Variants in CELF2 observed in about 807,000 individuals in gnomAD.
The protein encoded by CELF2 is CUGBP Elav-like family member 2, also known as CUG triplet repeat RNA-binding protein 2.
In CELF2, 8 loss-of-function variants were observed where a neutral mutation model predicts 62.6. The ratio of observed to expected loss-of-function variants is 0.13; its 90% CI spans 0.07 to 0.23. CELF2 has a LOEUF of 0.23. CELF2 is among the 10% of genes least tolerant of loss of function. The pLI, the probability that CELF2 is intolerant of heterozygous loss-of-function variation, is 1.00. For missense variants in CELF2, 333 were observed against 671.0 expected, an observed-to-expected ratio of 0.50 and a Z score of 5.56; for synonymous variants, 258 against 250.0, an observed-to-expected ratio of 1.03 and a Z score of -0.30.
Position 11,302,550 on chromosome 10 carries a change from C to G in CELF2, c.977-11589C>G, listed in dbSNP as rs1026618952. On this transcript the variant is annotated intron_variant, in intron 9 of 12. Transcript: ENST00000633077. The surrounding 1 kb of genome is among the most constrained non-coding windows in gnomAD (Gnocchi z 5.0). ...CCAGACAAGAACTCTGACCAAATGG[C>G]CTGCAGAGCATCCGCAGCCCAGGGC... 6.6e-6 allele frequency among the ~76,000 whole-genome samples: 1 copy of G among 152,166 alleles called. No homozygotes were observed. The highest frequency in any genetic ancestry group is 1.5e-5 in the Non-Finnish European group (1 of 68,018).
chr10:11,176,017 C>T (rs972469417), intron 2 of CELF2, among the ~76,000 whole-genome samples: 5 of 152,158 alleles, frequency 3.3e-5, no homozygotes, highest in East Asian at 1.9e-4. Flanking sequence ...TTCTTGTGCG[C>T]GTGTGTTTTC....
upstream of CELF2, among the ~76,000 whole-genome samples, chr10:11,003,370 G>A (rs1465595819): frequency 6.6e-6 from 1 of 152,180 alleles, no homozygotes; most frequent in Non-Finnish European, 1.5e-5. The surrounding 1 kb of genome is among the most constrained non-coding windows in gnomAD (Gnocchi z 4.4). Flanking sequence ...TTGTACGTTA[G>A]TGCTTGCTTC....
the CELF2 span, among the ~76,000 whole-genome samples, chr10:10,468,916 C>T: frequency 6.6e-6 from 1 of 151,860 alleles, no homozygotes; most frequent in Non-Finnish European, 1.5e-5. Context: ...CTAGTAGGGG[C>T]TCTTTTCAAA....
At chr10:10,610,227 T>C in the CELF2 span, among the ~76,000 whole-genome samples, 8 of 152,306 alleles carry the variant, frequency 5.3e-5, no homozygotes, top group East Asian at 1.9e-4. Context: ...ACCAGCTTGA[T>C]TGAATGTGCT....
the CELF2 span, among the ~76,000 whole-genome samples, chr10:10,507,700 G>A: frequency 6.6e-6 from 1 of 152,026 alleles, no homozygotes; most frequent in East Asian, 1.9e-4. Context: ...GATGGAGGGT[G>A]TGCTATATGG....
chr10:10,925,457 G>A (rs2065374424), intron 2 of CELF2, among the ~76,000 whole-genome samples: 1 of 151,980 alleles, frequency 6.6e-6, no homozygotes. Context: ...CTGTACCTTG[G>A]TTGTGGGAGA....
intron 1 of CELF2, among the ~76,000 whole-genome samples, chr10:10,837,801 G>A (rs112252076): frequency 1.3e-5 from 2 of 152,058 alleles, no homozygotes; most frequent in African/African-American, 4.8e-5. Context: ...GCCATGTTTT[G>A]TTTTGCTTTT....
rs187371585 is a variant in CELF2, at chr10:10,869,085, A to G, written c.54-50879A>G. Among the ~76,000 whole-genome samples, 1,437 of 152,250 alleles carry G rather than the reference A, an allele frequency of 9.4e-3. 15 individuals are homozygous for G. Among genetic ancestry groups the G allele is most frequent in the South Asian group, 0.036 (175 of 4,818 alleles). ...TCTAGAAAGCAAAAACTTTTTTTCC[A>G]TGTCTTACTTTTTTTAATAGTAACA... On this transcript the variant is annotated intron_variant, in intron 1 of 13. Transcript: ENST00000636488.
At chr10:10,472,090 G>T in the CELF2 span, among the ~76,000 whole-genome samples, 1 of 151,662 alleles carries the variant, frequency 6.6e-6, no homozygotes, top group Non-Finnish European at 1.5e-5. Context: ...CTTTGTTTTA[G>T]TTCTGTTTGA....
At chr10:10,577,987 GTGT>G in the CELF2 span, among the ~76,000 whole-genome samples, 1 of 152,188 alleles carries the variant, frequency 6.6e-6, no homozygotes, top group Non-Finnish European at 1.5e-5. Flanking sequence ...CAGTGTAAAA[GTGT>G]TCCTGTTTCT....
intron 2 of CELF2, among the ~76,000 whole-genome samples, chr10:11,175,767 C>T (rs1267060777): frequency 2.6e-5 from 4 of 152,122 alleles, no homozygotes; most frequent in African/African-American, 4.8e-5. Flanking sequence ...AATGTGGTGC[C>T]GGCAGCTGAC....
chr10:11,174,486 A>G (rs931941337), intron 2 of CELF2, among the ~76,000 whole-genome samples: 1 of 152,218 alleles, frequency 6.6e-6, no homozygotes, highest in African/African-American at 2.4e-5. Flanking sequence ...ATTAATTCAC[A>G]TTGGAGAAAC....
At chr10:11,026,613 T>C (rs185625122) in intron 1 of CELF2, among the ~76,000 whole-genome samples, 50 of 152,346 alleles carry the variant, frequency 3.3e-4, no homozygotes, top group Admixed American at 1.5e-3. Context: ...TTCAGTGTGG[T>C]CATAACCAGT....
chr10:10,512,173 G>A, the CELF2 span, among the ~76,000 whole-genome samples: 1 of 152,134 alleles, frequency 6.6e-6, no homozygotes, highest in Non-Finnish European at 1.5e-5. Context: ...AGAGCTTGAT[G>A]TGGATGAAAT....
intron 2 of CELF2, among the ~76,000 whole-genome samples, chr10:11,167,346 G>A (rs2067517961): frequency 6.6e-6 from 1 of 152,224 alleles, no homozygotes; most frequent in African/African-American, 2.4e-5. Flanking sequence ...AACTAGACCA[G>A]AGGCAGTAAA....
chr10:10,542,179 C>T, the CELF2 span, among the ~76,000 whole-genome samples: 1 of 152,188 alleles, frequency 6.6e-6, no homozygotes, highest in Non-Finnish European at 1.5e-5. Flanking sequence ...ACGGGTATCA[C>T]GTCACCTAAT....
rs2056463349 is a variant in CELF2 at position 11,011,526 on chromosome 10, A to T, written c.53+6086A>T. On this transcript the variant is annotated intron_variant, in intron 1 of 12. Coordinates refer to the CELF2 transcript ENST00000416382. The surrounding 1 kb of genome is among the most constrained non-coding windows in gnomAD (Gnocchi z 4.6). ...CATCTCCTTTCTTCCTCAGACCCTAATGTCATTTACATCTCTCCTCTTCTC... is the reference window on the plus strand; with the variant it reads ...CATCTCCTTTCTTCCTCAGACCCTATTGTCATTTACATCTCTCCTCTTCTC... 6.6e-6 allele frequency among the ~76,000 whole-genome samples: 1 copy of T among 151,990 alleles called. No individual in the cohort carries two copies. Among genetic ancestry groups the T allele is most frequent in the African/African-American group, 2.4e-5 (1 of 41,368 alleles).
intron 1 of CELF2, among the ~76,000 whole-genome samples, chr10:11,080,091 G>A (rs1184327286): frequency 6.6e-6 from 1 of 152,210 alleles, no homozygotes; most frequent in Non-Finnish European, 1.5e-5. Context: ...GCACTTGACA[G>A]ATGCTAGTTC....
At chr10:11,301,909 C>T (rs2938017) in intron 9 of CELF2, among the ~76,000 whole-genome samples, 103,090 of 151,950 alleles carry the variant, frequency 0.68, 35,840 homozygotes, top group Middle Eastern at 0.73. Flanking sequence ...AGGGCCTGCA[C>T]GTGGGCCTCA....
Sources: gnomAD v4.1 joint callset for allele counts (sites outside exome capture counted in the v4.1 genomes callset) on GRCh38, gnomAD v4.1.1 for gene constraint, Gnocchi (gnomAD v3.1) non-coding constraint, MANE v1.5 for transcripts, NCBI Gene and HGNC (gene_info 2026-07-23, HGNC 2026-07-21) for gene names.